Variants in E2F3 observed in about 807,000 individuals in gnomAD.
E2F3 encodes transcription factor E2F3.
Under a neutral mutation model 44.4 loss-of-function variants are expected in E2F3, and 11 were observed. The observed-to-expected ratio is 0.25, with a 90% confidence interval of 0.16 to 0.41. E2F3 has a LOEUF of 0.41. Among genes scored for constraint, E2F3 ranks in the 10% least tolerant of loss-of-function variants. The pLI is 1.00. For synonymous variants in E2F3, 249 were observed against 253.0 expected, an observed-to-expected ratio of 0.98 and a Z score of 0.15; for missense variants, 487 against 583.6, an observed-to-expected ratio of 0.83 and a Z score of 1.70.
intron 3 of E2F3, among the ~76,000 whole-genome samples, 161 bp from the exon 4 acceptor site, chr6:20,482,598 AAAT>A (rs1421322867): frequency 7.2e-4 from 90 of 125,178 alleles, no homozygotes; most frequent in African/African-American, 2.4e-3. Context: ...ATGAAAAAAA[AAAT>A]ATATATATAT....
chr6:20,483,045 C>CTG, intron 4 of E2F3, 125 bp downstream of exon 4: 1 of 1,412,270 alleles, frequency 7.1e-7, no homozygotes, highest in Non-Finnish European at 9.7e-7. Flanking sequence ...ACCTGTGTGC[C>CTG]TGTGTGTGTA....
chr6:20,425,744 A>G (rs528306484), intron 1 of E2F3, among the ~76,000 whole-genome samples: 1 of 152,276 alleles, frequency 6.6e-6, no homozygotes, highest in Admixed American at 6.5e-5. Flanking sequence ...TTAGCTCTCT[A>G]GTGGAGGAAC....
At chr6:20,477,414 T>C (rs1762083697) in intron 1 of E2F3, among the ~76,000 whole-genome samples, 1 of 152,144 alleles carries the variant, frequency 6.6e-6, no homozygotes. Flanking sequence ...GAAAGTGGAA[T>C]CCACAGGATA....
chr6:20,428,063 G>A (rs772279058), intron 1 of E2F3, among the ~76,000 whole-genome samples: 17 of 152,120 alleles, frequency 1.1e-4, no homozygotes, highest in Non-Finnish European at 1.3e-4. Flanking sequence ...AGTTAGAGGC[G>A]AGGAAATGAA....
At position 20,482,936 on chromosome 6, in the gene E2F3, C is replaced by G. The variant is rs1160729519; in HGVS notation, c.884+16C>G. 6.2e-7 allele frequency: 1 copy of G among 1,612,920 alleles called. No homozygotes were observed. Among genetic ancestry groups the G allele is most frequent in the East Asian group, 2.2e-5 (1 of 44,816 alleles). On this transcript the variant is annotated intron_variant, in intron 4 of 6. Coordinates refer to ENST00000346618, the MANE Select transcript of E2F3 (RefSeq NM_001949.5). ...AGAATCAAAGATATCCTTTGTGCCG[C>G]CAGTTCTCTGGGGGTTAGTGCTTCC...
In E2F3 at chr6:20,481,386, A is replaced by G. The variant is rs1260911819; in HGVS notation, c.686A>G (p.His229Arg). 1.9e-6 allele frequency: 3 copies of G among 1,613,976 alleles called. No individual in the cohort carries two copies. Among genetic ancestry groups the G allele is most frequent in the Non-Finnish European group, 2.5e-6 (3 of 1,180,038 alleles). The change falls in exon 3 of 7, where the codon CAC (histidine) becomes CGC (arginine). Residue 229 changes from histidine to arginine, a missense_variant. Around this residue, in one of 3 missense-constraint regions of E2F3, gnomAD observed 29 missense variants for 85.9 expected, o/e 0.34. Coordinates refer to ENST00000346618, the MANE Select transcript of E2F3 (RefSeq NM_001949.5). ...YDITNVLEGI[H>R]LIKKKSKNNV... ...ATCACCAACGTTCTGGAAGGCATCC[A>G]CCTCATTAAGAAGAAGTCTAAAAAC... is the stretch of plus-strand genomic sequence containing the variant.
At chr6:20,411,393 TC>T (rs1759667466) in intron 1 of E2F3, among the ~76,000 whole-genome samples, 1 of 152,008 alleles carries the variant, frequency 6.6e-6, no homozygotes. Context: ...GCCTCCCTTT[TC>T]CCTTCTCATC....
intron 1 of E2F3, among the ~76,000 whole-genome samples, chr6:20,408,228 G>A (rs1321560846): frequency 6.6e-6 from 1 of 152,134 alleles, no homozygotes; most frequent in Non-Finnish European, 1.5e-5. Context: ...CCTCTCTTTG[G>A]CTTCAGAAAG....
chr6:20,466,004 G>C (rs988766299), intron 1 of E2F3, among the ~76,000 whole-genome samples: 4 of 151,710 alleles, frequency 2.6e-5, no homozygotes, highest in African/African-American at 9.7e-5. Context: ...TCTACTTTTA[G>C]TTCTTTAAGG....
At chr6:20,487,225 CT>C in intron 5 of E2F3, among the ~76,000 whole-genome samples, 1 of 152,238 alleles carries the variant, frequency 6.6e-6, no homozygotes, top group South Asian at 2.1e-4. Context: ...TTTGGGTTAG[CT>C]GATAGACTAG....
intron 1 of E2F3, among the ~76,000 whole-genome samples, chr6:20,413,882 G>C (rs1007640976): frequency 6.6e-6 from 1 of 152,196 alleles, no homozygotes; most frequent in Non-Finnish European, 1.5e-5. Context: ...CAGATTAAGG[G>C]AGAAAAGAAA....
At chr6:20,462,591 G>A (rs977922575) in intron 1 of E2F3, among the ~76,000 whole-genome samples, 4 of 151,460 alleles carry the variant, frequency 2.6e-5, no homozygotes, top group African/African-American at 9.7e-5. Context: ...CTAAGTAACT[G>A]GGATTACAGG....
chr6:20,453,270 C>T (rs1761193290), intron 1 of E2F3, among the ~76,000 whole-genome samples: 2 of 152,134 alleles, frequency 1.3e-5, no homozygotes, highest in African/African-American at 4.8e-5. Flanking sequence ...TTTCCACCAA[C>T]CCCTTCCACA....
At chr6:20,418,653 T>C (rs577535406) in intron 1 of E2F3, among the ~76,000 whole-genome samples, 2 of 152,166 alleles carry the variant, frequency 1.3e-5, no homozygotes, top group South Asian at 2.1e-4. Flanking sequence ...AGAAGGTTAT[T>C]AGCTGTGTCA....
At chr6:20,449,581 G>A (rs1761059078) in intron 1 of E2F3, among the ~76,000 whole-genome samples, 1 of 152,136 alleles carries the variant, frequency 6.6e-6, no homozygotes, top group African/African-American at 2.4e-5. Flanking sequence ...CAGCAGATAT[G>A]TGCATATGTA....
intron 1 of E2F3, among the ~76,000 whole-genome samples, chr6:20,432,115 G>A (rs182629345): frequency 3.7e-4 from 57 of 152,376 alleles, no homozygotes; most frequent in Non-Finnish European, 7.6e-4. Context: ...CTTCAACATA[G>A]GAATTTAACG....
intron 1 of E2F3, among the ~76,000 whole-genome samples, chr6:20,464,111 T>C (rs1261585734): frequency 6.6e-6 from 1 of 152,196 alleles, no homozygotes; most frequent in Non-Finnish European, 1.5e-5. Context: ...TCTAGGAACC[T>C]CTGTGTGTTC....
intron 1 of E2F3, among the ~76,000 whole-genome samples, chr6:20,466,993 T>G (rs913323189): frequency 9.2e-5 from 14 of 152,178 alleles, no homozygotes; most frequent in African/African-American, 3.1e-4. Flanking sequence ...TGTGTTCTTA[T>G]TCACCTTATT....
intron 4 of E2F3, among the ~76,000 whole-genome samples, chr6:20,483,265 G>A (rs139529468): frequency 1.1e-4 from 16 of 152,184 alleles, no homozygotes; most frequent in African/African-American, 3.1e-4. Flanking sequence ...ATAAGGTGTC[G>A]GTATTAATAT....
Sources: gnomAD v4.1 joint callset for allele counts (sites outside exome capture counted in the v4.1 genomes callset) on GRCh38, gnomAD v4.1.1 for gene constraint, gnomAD v4.1.1 regional missense constraint, MANE v1.5 for transcripts, NCBI Gene and HGNC (gene_info 2026-07-23, HGNC 2026-07-21) for gene names.